The following F13A1 variants were observed in gnomAD, a reference collection of about 807,000 sequenced individuals.
F13A1 encodes FSF, A subunit.
A neutral mutation model predicts 80.1 loss-of-function variants in F13A1; 47 were observed. That is an observed-to-expected ratio of 0.59 (90% CI 0.46 to 0.75). F13A1 has a LOEUF of 0.75. Among genes scored for constraint, F13A1 ranks in the 30% least tolerant of loss-of-function variants. The pLI is 0.00. For missense variants in F13A1, 817 were observed against 930.4 expected (o/e 0.88, Z 1.59); for synonymous variants, 349 against 344.9 (o/e 1.01, Z -0.13).
intron 3 of F13A1, among the ~76,000 whole-genome samples, chr6:6,277,440 G>A (rs1256876597): frequency 1.3e-5 from 2 of 150,492 alleles, no homozygotes; most frequent in Non-Finnish European, 3.0e-5. Context: ...CAAGGATTAA[G>A]TCATGAACCC....
At chr6:6,199,246 T>C (rs1761348218) in intron 8 of F13A1, among the ~76,000 whole-genome samples, 1 of 152,060 alleles carries the variant, frequency 6.6e-6, no homozygotes, top group African/African-American at 2.4e-5. Flanking sequence ...TCCCAGCACT[T>C]TGGGAGGCCG....
At chr6:6,169,917 T>C (rs1760742311) in intron 12 of F13A1, among the ~76,000 whole-genome samples, 1 of 152,224 alleles carries the variant, frequency 6.6e-6, no homozygotes, top group Admixed American at 6.5e-5. Flanking sequence ...AGCTGACTCT[T>C]TAAAGCTATG....
chr6:6,211,386 G>C (rs1451517865), intron 8 of F13A1, among the ~76,000 whole-genome samples: 1 of 152,142 alleles, frequency 6.6e-6, no homozygotes, highest in African/African-American at 2.4e-5. Flanking sequence ...CCAGAAATAT[G>C]GTTAACAAGA....
At chr6:6,309,437 A>G (rs1308300200) in intron 2 of F13A1, among the ~76,000 whole-genome samples, 1 of 152,140 alleles carries the variant, frequency 6.6e-6, no homozygotes, top group African/African-American at 2.4e-5. Context: ...TCCATGTGGA[A>G]AGGGGGGTGG....
rs1054486305 is a variant in F13A1, at chr6:6,178,049, G to A, written c.1460-3182C>T. Among the ~76,000 whole-genome samples the A allele has an allele frequency of 2.2e-3, 296 of 136,522 alleles. 4 individuals carry two copies. Among genetic ancestry groups the A allele is most frequent in the African/African-American group, 7.7e-3 (278 of 36,134 alleles). 89.6% of individuals were successfully genotyped at this position (136,522 alleles called of 152,430 possible). A position where few individuals can be genotyped will look rare whatever the true frequency, so the allele number is the denominator to read the frequency against. On this transcript the variant is annotated intron_variant, in intron 11 of 14. Transcript: ENST00000264870. ...GCCCTGGAGGCCACAGGGAGAGGGG[G>A]GGGGGGGTGGGGCTTTTAAGCAGTG...
intron 3 of F13A1, among the ~76,000 whole-genome samples, chr6:6,287,104 A>T (rs138953010): frequency 5.3e-5 from 8 of 152,322 alleles, no homozygotes; most frequent in Admixed American, 2.0e-4. Flanking sequence ...AAAGATGAAG[A>T]ATATTTAGTC....
intron 3 of F13A1, among the ~76,000 whole-genome samples, chr6:6,282,907 TA>T (rs1481214625): frequency 1.3e-5 from 2 of 152,178 alleles, no homozygotes; most frequent in Non-Finnish European, 2.9e-5. Context: ...ACTCCCCCAC[TA>T]CCTAATACTG....
At chr6:6,203,801 A>C (rs570936263) in intron 8 of F13A1, among the ~76,000 whole-genome samples, 12 of 152,186 alleles carry the variant, frequency 7.9e-5, no homozygotes, top group Non-Finnish European at 1.8e-4. Flanking sequence ...ACGACACACA[A>C]AGAGACATAT....
intron 3 of F13A1, among the ~76,000 whole-genome samples, chr6:6,298,296 G>T (rs536046223): frequency 2.0e-5 from 3 of 147,256 alleles, no homozygotes; most frequent in Non-Finnish European, 4.4e-5. Flanking sequence ...CAATTCCTGG[G>T]TATCCTTGTT....
rs528445765 is a variant in F13A1, at chr6:6,318,385, C to T, written c.130+150G>A. 20 of 1,082,524 alleles carry T rather than the reference C, an allele frequency of 1.8e-5. No individual in the cohort carries two copies. In the Admixed American group the frequency reaches 5.2e-4, roughly 28 times the overall value. The allele number at this position is 1,082,524 out of a possible 1,614,324, so 67.1% of individuals were successfully genotyped here. On this transcript the variant is annotated intron_variant, in intron 2 of 14. Transcript: ENST00000264870. ...TTCACCACTTAAAAGAAAGCTTTTG[C>T]TTTCTTCCTTTATAAAACCAGAGAT...
At chr6:6,210,917 GAC>G (rs1761596948) in intron 8 of F13A1, among the ~76,000 whole-genome samples, 1 of 151,776 alleles carries the variant, frequency 6.6e-6, no homozygotes, top group Admixed American at 6.6e-5. Flanking sequence ...TTTTAGTAGA[GAC>G]AGGTTATCAC....
In F13A1 at chr6:6,255,812, C is replaced by T. The variant is rs191850283; in HGVS notation, c.572-4883G>A. On this transcript the variant is annotated intron_variant, in intron 4 of 14. Transcript: ENST00000264870. ...GGCAAGGAAGTCAAATGGGAAGGCT[C>T]GATTTTAATTTTAAATTTATTTATG... Among the ~76,000 whole-genome samples the T allele has an allele frequency of 7.4e-3, 1,129 of 151,890 alleles. 12 individuals carry two copies. The highest frequency in any genetic ancestry group is 0.026 in the African/African-American group (1,071 of 41,374).
intron 11 of F13A1, 72 bp downstream of exon 11, chr6:6,181,916 T>A (rs545980833): frequency 1.3e-6 from 2 of 1,543,318 alleles, no homozygotes; most frequent in South Asian, 1.1e-5. Context: ...CTGGAACTCA[T>A]CTCTGAGTGA....
chr6:6,163,584 G>T (rs1161029340), intron 13 of F13A1, among the ~76,000 whole-genome samples: 1 of 152,082 alleles, frequency 6.6e-6, no homozygotes, highest in Admixed American at 6.6e-5. Flanking sequence ...AAGTGAGAAC[G>T]TGCAGTATTC....
intron 1 of F13A1, among the ~76,000 whole-genome samples, chr6:6,319,063 T>G (rs759026302): frequency 1.3e-5 from 2 of 152,356 alleles, no homozygotes; most frequent in East Asian, 3.9e-4. Flanking sequence ...CTATGTTCAT[T>G]TCATACAGAT....
intron 6 of F13A1, among the ~76,000 whole-genome samples, chr6:6,231,028 C>G (rs192711054): frequency 1.0e-3 from 157 of 152,204 alleles, no homozygotes; most frequent in African/African-American, 3.6e-3. Flanking sequence ...TTCAACACCC[C>G]CCAAAAATCA....
chr6:6,210,864 G>T (rs1450278351), intron 8 of F13A1, among the ~76,000 whole-genome samples: 1 of 152,114 alleles, frequency 6.6e-6, no homozygotes, highest in Non-Finnish European at 1.5e-5. Flanking sequence ...AAGTAGCGGG[G>T]ATTACAGGCA....
chr6:6,220,267 A>C (rs1226797559), intron 8 of F13A1, among the ~76,000 whole-genome samples: 1 of 152,212 alleles, frequency 6.6e-6, no homozygotes, highest in Non-Finnish European at 1.5e-5. Context: ...TGAGGGTCCC[A>C]GGCCAGGAAG....
intron 6 of F13A1, among the ~76,000 whole-genome samples, chr6:6,238,803 G>A (rs1195722978): frequency 1.3e-5 from 2 of 151,378 alleles, no homozygotes; most frequent in Non-Finnish European, 2.9e-5. Flanking sequence ...AAACTACAAT[G>A]AAATGCCACT....
Sources: gnomAD v4.1 joint callset for allele counts (sites outside exome capture counted in the v4.1 genomes callset) on GRCh38, gnomAD v4.1.1 for gene constraint, MANE v1.5 for transcripts, NCBI Gene and HGNC (gene_info 2026-07-23, HGNC 2026-07-21) for gene names.